Variants in ENTPD7 observed in about 807,000 individuals in gnomAD.
ENTPD7 encodes the protein NTPDase 7.
A neutral mutation model predicts 77.9 loss-of-function variants in ENTPD7; 53 were observed. The observed-to-expected ratio is 0.68, with a 90% CI of 0.55 to 0.85. ENTPD7 has a LOEUF of 0.85. ENTPD7 is among the 40% of genes least tolerant of loss of function. The pLI is 0.00. For missense variants in ENTPD7, 636 were observed against 743.7 expected, an observed-to-expected ratio of 0.86 and a Z score of 1.68; for synonymous variants, 248 against 274.9, an observed-to-expected ratio of 0.90 and a Z score of 0.97.
intron 3 of ENTPD7, among the ~76,000 whole-genome samples, chr10:99,670,789 C>T (rs941268529): frequency 6.6e-6 from 1 of 152,060 alleles, no homozygotes; most frequent in African/African-American, 2.4e-5. Flanking sequence ...CTGAAGTGGG[C>T]AGATCTCTTG....
chr10:99,663,050 C>A (rs537219253), intron 3 of ENTPD7, among the ~76,000 whole-genome samples: 64 of 152,312 alleles, frequency 4.2e-4, no homozygotes, highest in Admixed American at 4.1e-3. Flanking sequence ...CATTTCTGGT[C>A]TGCTTCATTC....
intron 3 of ENTPD7, among the ~76,000 whole-genome samples, chr10:99,663,403 CA>C (rs1244254368): frequency 6.6e-6 from 1 of 151,000 alleles, no homozygotes; most frequent in Non-Finnish European, 1.5e-5. Flanking sequence ...TTCTGTTTAT[CA>C]CTGGTTTTAA....
rs1007363389 is a variant in ENTPD7 at position 99,710,856 on chromosome 10, T to A, written c.*6173T>A. 2.0e-6 allele frequency: 2 copies of A among 985,318 alleles called. No homozygotes were observed. The highest frequency in any genetic ancestry group is 2.4e-6 in the Non-Finnish European group (2 of 829,918). The allele number at this position is 985,318 out of a possible 1,614,324, so 61.0% of individuals were successfully genotyped here. On this transcript the variant is annotated 3_prime_UTR_variant, in exon 13 of 13. Transcript: ENST00000370489. ...AGTCTAAGTTACAGACAAAAAATTC[T>A]AGGTTGACTGATTAAGAAAGCCATG...
At chr10:99,668,903 TTGTGG>T (rs890160225) in intron 3 of ENTPD7, among the ~76,000 whole-genome samples, 3 of 152,292 alleles carry the variant, frequency 2.0e-5, no homozygotes, top group Admixed American at 2.0e-4. Flanking sequence ...TATCCGTACT[TTGTGG>T]TGTCCCTCAG....
chr10:99,683,125 T>TC (rs1222212580), intron 5 of ENTPD7, among the ~76,000 whole-genome samples: 1 of 152,150 alleles, frequency 6.6e-6, no homozygotes, highest in Non-Finnish European at 1.5e-5. Flanking sequence ...CTTTTTTTTT[T>TC]CTCTTTCAAC....
chr10:99,675,062 A>G (rs2035663833), intron 3 of ENTPD7, among the ~76,000 whole-genome samples: 1 of 152,206 alleles, frequency 6.6e-6, no homozygotes, highest in Admixed American at 6.5e-5. Flanking sequence ...TTTATCATGG[A>G]ACACTATTTT....
At chr10:99,687,595 T>A (rs371531439) in intron 6 of ENTPD7, among the ~76,000 whole-genome samples, 1 of 152,128 alleles carries the variant, frequency 6.6e-6, no homozygotes, top group South Asian at 2.1e-4. Context: ...CCTTGGCCAC[T>A]GCTATTTGGA....
At chr10:99,702,707 C>G (rs370708196) in intron 12 of ENTPD7, 34 bp downstream of exon 12, 8 of 1,559,430 alleles carry the variant, frequency 5.1e-6, no homozygotes, top group Non-Finnish European at 6.9e-6. Context: ...GTATCTTGAG[C>G]TCAGAGGATA....
chr10:99,702,819 C>CT, intron 12 of ENTPD7, 146 bp downstream of exon 12: 4 of 662,174 alleles, frequency 6.0e-6, no homozygotes, highest in Non-Finnish European at 9.2e-6. Flanking sequence ...AAACAAACTC[C>CT]TTTACTTCCA....
intron 10 of ENTPD7, 69 bp from the exon 11 acceptor site, chr10:99,700,904 G>A (rs569310815): frequency 1.3e-4 from 171 of 1,274,060 alleles, no homozygotes; most frequent in Non-Finnish European, 1.9e-4. Context: ...TGGAACAGCT[G>A]TGACTGTGGG....
At chr10:99,660,565 GAT>G (rs2035469934) in intron 2 of ENTPD7, 2 of 254,270 alleles carry the variant, frequency 7.9e-6, no homozygotes, top group East Asian at 1.4e-4. Flanking sequence ...CACACACAGA[GAT>G]ATATTACTGT....
Position 99,699,621 on chromosome 10 carries a change from T to C in ENTPD7, c.1335+763T>C, listed in dbSNP as rs567827438. 1.4e-3 allele frequency among the ~76,000 whole-genome samples: 220 copies of C among 152,274 alleles called. 2 individuals are homozygous for C. The highest frequency in any genetic ancestry group is 4.6e-4 in the Non-Finnish European group (31 of 68,008). On this transcript the variant is annotated intron_variant, in intron 10 of 12. Coordinates refer to ENST00000370489, the MANE Select transcript of ENTPD7 (RefSeq NM_020354.5). The stretch of plus-strand genomic sequence containing the variant: ...GCTCTGTAGCCCAGGCTGGAGTGCA[T>C]TGGCATGATCTCAGCTCACTGCAAC...
At chr10:99,696,157 T>C (rs1035895337) in intron 9 of ENTPD7, 35 bp downstream of exon 9, 12 of 1,606,994 alleles carry the variant, frequency 7.5e-6, no homozygotes, top group Admixed American at 1.7e-5. Flanking sequence ...TTCTGAAATA[T>C]AATGTCAGGC....
rs779843652 is a variant in ENTPD7 at position 99,704,552 on chromosome 10, C to T, written c.1684C>T (p.Leu562=). ...YLFFACILVV[L]LAIFLYLLRL... ...CTTCTTTGCCTGTATCCTGGTGGTG[C>T]TACTGGCCATCTTCCTATACCTTCT... Residue 562 remains leucine (L), a synonymous_variant, in exon 13 of 13, where the codon CTA becomes TTA. Transcript: ENST00000370489. 3 of 1,614,200 alleles carry T rather than the reference C, an allele frequency of 1.9e-6. No homozygotes were observed. The highest frequency in any genetic ancestry group is 2.5e-6 in the Non-Finnish European group (3 of 1,180,034).
chr10:99,688,783 C>T (rs1188113438), intron 7 of ENTPD7, 33 bp downstream of exon 7: 8 of 1,606,108 alleles, frequency 5.0e-6, no homozygotes, highest in Non-Finnish European at 6.8e-6. Flanking sequence ...GACAGTTTAC[C>T]TAAGGGCTGA....
chr10:99,672,768 A>G (rs564129574), intron 3 of ENTPD7, among the ~76,000 whole-genome samples: 4 of 152,262 alleles, frequency 2.6e-5, no homozygotes, highest in South Asian at 4.1e-4. Context: ...CTGTAATATC[A>G]TTATATTTGG....
intron 3 of ENTPD7, among the ~76,000 whole-genome samples, chr10:99,675,565 G>C (rs1244957663): frequency 7.7e-5 from 10 of 130,470 alleles, no homozygotes; most frequent in Non-Finnish European, 1.6e-4. Flanking sequence ...GGGGGGTGGG[G>C]TGGGGTGGGG....
chr10:99,690,127 T>A (rs2035861495), intron 7 of ENTPD7, among the ~76,000 whole-genome samples: 1 of 152,234 alleles, frequency 6.6e-6, no homozygotes, highest in South Asian at 2.1e-4. Flanking sequence ...CCTTTTAATA[T>A]GACCCCAATA....
intron 10 of ENTPD7, among the ~76,000 whole-genome samples, chr10:99,700,071 C>T (rs2036080269): frequency 6.6e-6 from 1 of 152,164 alleles, no homozygotes; most frequent in South Asian, 2.1e-4. Flanking sequence ...TTCTCTCCAG[C>T]CTCCAGGACG....
Sources: allele counts gnomAD v4.1 joint callset (sites outside exome capture counted in the v4.1 genomes callset), GRCh38; gene constraint gnomAD v4.1.1; transcripts MANE v1.5; gene names NCBI Gene and HGNC (gene_info 2026-07-23, HGNC 2026-07-21).